HDAC4: variants seen among roughly 807,000 people sequenced by gnomAD.
HDAC4 encodes the protein histone deacetylase 4.
HDAC4 carries 16 observed loss-of-function variants against 135.1 expected under a neutral mutation model. That is an observed-to-expected ratio of 0.12 (90% CI 0.08 to 0.18). The LOEUF is 0.18. Ranked by LOEUF, HDAC4 falls within the 10% of genes least tolerant of loss-of-function variation. HDAC4 has a pLI of 1.00. For missense variants in HDAC4, 1,143 were observed against 1,511.8 expected (o/e 0.76, Z 4.05); for synonymous variants, 685 against 653.4 (o/e 1.05, Z -0.74).
intron 1 of HDAC4, among the ~76,000 whole-genome samples, chr2:239,386,557 G>A (rs1695822095): frequency 6.6e-6 from 1 of 152,196 alleles, no homozygotes; most frequent in African/African-American, 2.4e-5. Flanking sequence ...CCATGCAGAG[G>A]CATGCTTGGA....
chr2:239,139,643 G>T lies in HDAC4; in HGVS notation c.978+41C>A. The T allele has an allele frequency of 6.5e-7, 1 of 1,541,518 alleles. No individual in the cohort carries two copies. Among genetic ancestry groups the T allele is most frequent in the Non-Finnish European group, 9.0e-7 (1 of 1,113,928 alleles). ...TTTCAAGCTCATCCGTCCCGAGTCC[G>T]ACTCTAGCCGTAGGACACAGGACAA... On this transcript the variant is annotated intron_variant, in intron 9 of 26. Coordinates refer to ENST00000543185, the MANE Select transcript of HDAC4 (RefSeq NM_001378414.1). This position sits in a 1 kb window ranked among gnomAD's most constrained non-coding sequence, Gnocchi z 5.3.
At chr2:239,330,504 C>T (rs1267112291) in intron 2 of HDAC4, among the ~76,000 whole-genome samples, 1 of 152,246 alleles carries the variant, frequency 6.6e-6, no homozygotes, top group Non-Finnish European at 1.5e-5. Flanking sequence ...GCCTGGACTT[C>T]CGCTCCAAGA....
intron 2 of HDAC4, among the ~76,000 whole-genome samples, chr2:239,345,718 A>C (rs931636896): frequency 6.6e-6 from 1 of 150,806 alleles, no homozygotes; most frequent in Admixed American, 6.6e-5. Context: ...CCTAACACAC[A>C]CACCCTAACA....
intron 1 of HDAC4, among the ~76,000 whole-genome samples, chr2:239,381,618 G>A (rs1215688245): frequency 6.6e-6 from 1 of 152,188 alleles, no homozygotes; most frequent in Non-Finnish European, 1.5e-5. Context: ...GGCAAATGCG[G>A]TGCCATTTAC....
chr2:239,175,108 T>C (rs2043674259), intron 5 of HDAC4, among the ~76,000 whole-genome samples: 1 of 152,204 alleles, frequency 6.6e-6, no homozygotes, highest in South Asian at 2.1e-4. Flanking sequence ...TTTTCAGTAT[T>C]ACCAGGGAAC....
intron 3 of HDAC4, among the ~76,000 whole-genome samples, chr2:239,225,427 C>T (rs2047180926): frequency 6.6e-6 from 1 of 152,256 alleles, no homozygotes; most frequent in Non-Finnish European, 1.5e-5. Context: ...AGAGAACACA[C>T]CCACAAGAGC....
intron 2 of HDAC4, among the ~76,000 whole-genome samples, chr2:239,272,193 A>T (rs6705378): frequency 6.6e-6 from 1 of 152,022 alleles, no homozygotes; most frequent in Non-Finnish European, 1.5e-5. Flanking sequence ...ATTTACATTC[A>T]ACAGAAGCCA....
intron 21 of HDAC4, among the ~76,000 whole-genome samples, 167 bp from the exon 22 acceptor site, chr2:239,081,359 G>A (rs916685326): frequency 6.6e-6 from 1 of 152,210 alleles, no homozygotes; most frequent in Admixed American, 6.5e-5. Flanking sequence ...GCGTGTGAAG[G>A]GGCCCCACTG....
intron 15 of HDAC4, 112 bp from the exon 16 acceptor site, chr2:239,103,008 C>A: frequency 7.8e-7 from 1 of 1,290,208 alleles, no homozygotes; most frequent in Non-Finnish European, 1.1e-6. Flanking sequence ...TAATTTGATA[C>A]AAAAACAAGC....
intron 5 of HDAC4, among the ~76,000 whole-genome samples, chr2:239,166,654 G>A (rs2043140141): frequency 6.6e-6 from 1 of 152,186 alleles, no homozygotes; most frequent in South Asian, 2.1e-4. Flanking sequence ...TGTGAGCACT[G>A]GCATTCCTAA....
intron 12 of HDAC4, among the ~76,000 whole-genome samples, chr2:239,122,346 G>T (rs900912906): frequency 6.6e-6 from 1 of 152,178 alleles, no homozygotes. Flanking sequence ...AATAGAAAGA[G>T]GTATTTCGCC....
intron 1 of HDAC4, among the ~76,000 whole-genome samples, chr2:239,388,305 C>T (rs927271421): frequency 6.6e-6 from 1 of 152,226 alleles, no homozygotes; most frequent in Non-Finnish European, 1.5e-5. Flanking sequence ...TGGAGGGCCG[C>T]AAGCCTGGAC....
rs187219643 is a variant in HDAC4, at chr2:239,238,573, T to C, written c.23-1909A>G. 2.4e-4 allele frequency among the ~76,000 whole-genome samples: 37 copies of C among 152,210 alleles called. No individual in the cohort carries two copies. In the East Asian group the frequency reaches 7.0e-3, roughly 29 times the overall value. ...AGCAAAAGCCCTAGAACCAGAAAGT[T>C]TGGAAACCAAGAAGCCCCCAGTGGT... On this transcript the variant is annotated intron_variant, in intron 2 of 26. Coordinates refer to ENST00000543185, the MANE Select transcript of HDAC4 (RefSeq NM_001378414.1).
At position 239,103,285 on chromosome 2, in the gene HDAC4, C is replaced by T. The variant is rs150621423; in HGVS notation, c.2113-389G>A. Among the ~76,000 whole-genome samples, 1,111 of 152,222 alleles carry T rather than the reference C, an allele frequency of 7.3e-3. 8 individuals are homozygous for T. Among genetic ancestry groups the T allele is most frequent in the African/African-American group, 0.025 (1,031 of 41,542 alleles). On this transcript the variant is annotated intron_variant, in intron 15 of 26. Transcript: ENST00000543185. ...TCACGTTCAAGGGAAACCCCAGCCG[C>T]GCTCCCGGAGTCTCTGAGCCCCAGG...
At chr2:239,055,544 C>G (rs140476066) in intron 24 of HDAC4, among the ~76,000 whole-genome samples, 2 of 152,166 alleles carry the variant, frequency 1.3e-5, no homozygotes, top group East Asian at 3.9e-4. Flanking sequence ...TGGTGAAACT[C>G]TGTCTCTACT....
At position 239,306,928 on chromosome 2, in the gene HDAC4, C is replaced by T. The variant is rs2052620584; in HGVS notation, c.22+45750G>A. 1.3e-5 allele frequency among the ~76,000 whole-genome samples: 2 copies of T among 152,002 alleles called. No individual in the cohort carries two copies. Among genetic ancestry groups the T allele is most frequent in the Middle Eastern group, 3.4e-3 (1 of 292 alleles). On this transcript the variant is annotated intron_variant, in intron 2 of 26. Coordinates refer to ENST00000543185, the MANE Select transcript of HDAC4 (RefSeq NM_001378414.1). This position sits in a 1 kb window ranked among gnomAD's most constrained non-coding sequence, Gnocchi z 4.5. ...GGAGGGCCTGAGCCTCCCGTGTGCACCTCCCCAAGGGCGCCTGCACCCTGG... is the reference window on the plus strand; with the variant it reads ...GGAGGGCCTGAGCCTCCCGTGTGCATCTCCCCAAGGGCGCCTGCACCCTGG...
chr2:239,220,099 AAC>A (rs1333185279), intron 3 of HDAC4, among the ~76,000 whole-genome samples: 1 of 152,254 alleles, frequency 6.6e-6, no homozygotes, highest in African/African-American at 2.4e-5. Context: ...CCACATAAAG[AAC>A]ACAGTTTCCA....
At chr2:239,189,258 T>C (rs1042863150) in intron 4 of HDAC4, among the ~76,000 whole-genome samples, 2 of 152,242 alleles carry the variant, frequency 1.3e-5, no homozygotes, top group African/African-American at 4.8e-5. Context: ...GCCAACTATA[T>C]AACTTTGCTA....
At chr2:239,094,716 G>A (rs1340127578) in intron 17 of HDAC4, 14 of 1,262,778 alleles carry the variant, frequency 1.1e-5, no homozygotes, top group South Asian at 6.2e-5. Context: ...CACAGACTTC[G>A]AAGGGGATGA....
Sources: allele counts gnomAD v4.1 joint callset (sites outside exome capture counted in the v4.1 genomes callset), GRCh38; gene constraint gnomAD v4.1.1; non-coding constraint Gnocchi (gnomAD v3.1); transcripts MANE v1.5; gene names NCBI Gene and HGNC (gene_info 2026-07-23, HGNC 2026-07-21).